AMZ1: variants seen among roughly 807,000 people sequenced by gnomAD.
AMZ1 encodes archaemetzincin-1.
A neutral mutation model predicts 29.9 loss-of-function variants in AMZ1; 39 were observed. The ratio of observed to expected loss-of-function variants is 1.30; its 90% confidence interval spans 1.01 to 1.70. The LOEUF (loss-of-function observed/expected upper bound fraction) is 1.70, where lower values mean the gene tolerates loss of function less well. Ranked by LOEUF, AMZ1 falls within the 40% of genes most tolerant of loss-of-function variation. AMZ1 has a pLI of 0.00. For missense variants in AMZ1, 1,041 were observed against 680.6 expected, an observed-to-expected ratio of 1.53 and a Z score of -5.89; for synonymous variants, 458 against 304.0, an observed-to-expected ratio of 1.51 and a Z score of -5.27.
intron 1 of AMZ1, among the ~76,000 whole-genome samples, chr7:2,695,468 G>A (rs1360508917): frequency 2.6e-5 from 4 of 152,082 alleles, no homozygotes; most frequent in African/African-American, 9.7e-5. Context: ...TATAATCTCA[G>A]CACTTTGGGA....
upstream of AMZ1, among the ~76,000 whole-genome samples, chr7:2,688,020 G>C (rs544572262): frequency 1.7e-4 from 26 of 152,262 alleles, 1 homozygote; most frequent in African/African-American, 6.3e-4. Context: ...CCCCCTGCCC[G>C]GGTGTTTCTG....
Position 2,696,715 on chromosome 7 carries a change from G to A in AMZ1, c.-218-3519G>A, listed in dbSNP as rs541284672. ...AACCTGGCCAACATGGTGAAACCCTGTCTCCACTAAAAATACAAAAATTAG... is the reference window on the plus strand; with the variant it reads ...AACCTGGCCAACATGGTGAAACCCTATCTCCACTAAAAATACAAAAATTAG... On this transcript the variant is annotated intron_variant, in intron 1 of 6. Transcript: ENST00000683327. Among the ~76,000 whole-genome samples the A allele has an allele frequency of 5.7e-4, 87 of 151,906 alleles. 1 individual carries two copies. The highest frequency in any genetic ancestry group is 1.9e-3 in the African/African-American group (80 of 41,480).
chr7:2,712,567 C>G lies in AMZ1; in HGVS notation c.1186C>G (p.Pro396Ala). The change falls in exon 7 of 7, where the codon CCA becomes GCA. Residue 396 changes from proline (P) to alanine (A), a missense_variant. Transcript: ENST00000683327. ...CCTGGCAGCCTCAGAGGCTCCGCTGCCACCTGGGGGCCCTGCGGAGGCCAT... is the reference window on the plus strand; with the variant it reads ...CCTGGCAGCCTCAGAGGCTCCGCTGGCACCTGGGGGCCCTGCGGAGGCCAT... ...SYLAASEAPLPPGGPAEAIKE... is the reference protein window; with the variant it reads ...SYLAASEAPLAPGGPAEAIKE... The G allele has an allele frequency of 6.2e-7, 1 of 1,610,868 alleles. No homozygotes were observed. Among genetic ancestry groups the G allele is most frequent in the South Asian group, 1.1e-5 (1 of 90,822 alleles).
upstream of AMZ1, among the ~76,000 whole-genome samples, chr7:2,761,724 A>G (rs1791564467): frequency 6.6e-6 from 1 of 152,204 alleles, no homozygotes; most frequent in Non-Finnish European, 1.5e-5. Flanking sequence ...TTAAAAAACA[A>G]TGAAGAGTTG....
At chr7:2,697,670 C>T (rs1328153878) in intron 1 of AMZ1, among the ~76,000 whole-genome samples, 2 of 152,174 alleles carry the variant, frequency 1.3e-5, no homozygotes, top group Non-Finnish European at 2.9e-5. Context: ...AGTGATCCAC[C>T]CGCCTCAGCC....
intron 4 of AMZ1, among the ~76,000 whole-genome samples, chr7:2,749,656 T>TATA (rs1007594412): frequency 1.3e-5 from 2 of 151,708 alleles, no homozygotes; most frequent in Non-Finnish European, 2.9e-5. Context: ...GAACTTAAAG[T>TATA]ATAATAATAA....
At position 2,701,228 on chromosome 7, in the gene AMZ1, CA is replaced by C. The variant is rs35630946; in HGVS notation, c.304+484del. Among the ~76,000 whole-genome samples the C allele has an allele frequency of 7.5e-3, 1,074 of 144,030 alleles. 5 individuals carry two copies. The highest frequency in any genetic ancestry group is 0.01 in the Non-Finnish European group (681 of 65,678). The allele number at this position is 144,030 out of a possible 152,430, so 94.5% of individuals were successfully genotyped here. A position where few individuals can be genotyped will look rare whatever the true frequency, so the allele number is the denominator to read the frequency against. On this transcript the variant is annotated intron_variant, in intron 2 of 6. Transcript: ENST00000683327. ...CCTGGGTGACGGAGTGAGACTGTCTCAAAAAAAAAAAGACCACTTTCTCTTT... is the reference window on the plus strand; with the variant it reads ...CCTGGGTGACGGAGTGAGACTGTCTCAAAAAAAAAAGACCACTTTCTCTTT...
rs570288740 is a variant in AMZ1, at chr7:2,712,443, T to A, written c.1062T>A (p.Cys354Ter). 2.3e-5 allele frequency: 37 copies of A among 1,611,806 alleles called. No individual in the cohort carries two copies. The African/African-American group carries it at 4.0e-4, about 17-fold the overall frequency. ...CCAGCGCCGACTCGGGCATGTGCTG[T>A]GAGAGTGACTCGGAGCCCGGCACCA... is the stretch of plus-strand genomic sequence containing the variant. ...PPASADSGMCCESDSEPGTSV... is the reference protein window; with the variant it reads ...PPASADSGMC The change falls in exon 7 of 7, where the codon TGT becomes TGA. Residue 354 changes from cysteine (C) to a stop codon, truncating the protein, a stop_gained. Coordinates refer to ENST00000683327, the MANE Select transcript of AMZ1 (RefSeq NM_001384743.1). LOFTEE classifies it low-confidence loss of function (END_TRUNC).
rs140611616 is a variant in AMZ1, at chr7:2,733,161, G to T, written n.550+23345G>T. Among the ~76,000 whole-genome samples the T allele has an allele frequency of 1.1e-3, 171 of 152,290 alleles. 1 individual carries two copies. The highest frequency in any genetic ancestry group is 4.0e-3 in the African/African-American group (168 of 41,544). ...GGGTTTCATTAGACTATTTGTTTTT[G>T]AGTATGTTTGAATTTTCCATGAGAT... is the stretch of plus-strand genomic sequence containing the variant. On this transcript the variant is annotated intron_variant and non_coding_transcript_variant, in intron 4 of 4. Transcript: ENST00000489665.
chr7:2,763,802 G>A (rs976188870), upstream of AMZ1, among the ~76,000 whole-genome samples: 1 of 152,156 alleles, frequency 6.6e-6, no homozygotes, highest in South Asian at 2.1e-4. Flanking sequence ...AAGCTCCCTG[G>A]GCAGGCGAGG....
chr7:2,763,821 T>C (rs1791688469), upstream of AMZ1, among the ~76,000 whole-genome samples: 1 of 152,166 alleles, frequency 6.6e-6, no homozygotes, highest in South Asian at 2.1e-4. Context: ...GGCCGGGACC[T>C]CTGCACTGAG....
intron 2 of AMZ1, among the ~76,000 whole-genome samples, chr7:2,701,385 C>G (rs1724888): frequency 0.35 from 53,009 of 151,888 alleles, 10,655 homozygotes; most frequent in African/African-American, 0.56. Flanking sequence ...CTATTTGACC[C>G]TGGGGCTGGG....
At position 2,699,317 on chromosome 7, in the gene AMZ1, G is replaced by A. The variant is rs569163299; in HGVS notation, c.-218-917G>A. On this transcript the variant is annotated intron_variant, in intron 1 of 6. Coordinates refer to ENST00000683327, the MANE Select transcript of AMZ1 (RefSeq NM_001384743.1). ...GGTCAGAGCATCTGTTTTGCAGGGCGGCTTTGTCACGGTTCTGCCAGCTCC... is the reference window on the plus strand; with the variant it reads ...GGTCAGAGCATCTGTTTTGCAGGGCAGCTTTGTCACGGTTCTGCCAGCTCC... Among the ~76,000 whole-genome samples, 9 of 152,296 alleles carry A rather than the reference G, an allele frequency of 5.9e-5. No individual in the cohort carries two copies. In the South Asian group the frequency reaches 6.2e-4, roughly 11 times the overall value.
chr7:2,746,080 A>T (rs1790749148), intron 4 of AMZ1, among the ~76,000 whole-genome samples: 1 of 152,184 alleles, frequency 6.6e-6, no homozygotes, highest in African/African-American at 2.4e-5. Flanking sequence ...GGGAGACTTT[A>T]ACACCCCACT....
At chr7:2,683,995 C>T (rs1311543945), upstream of AMZ1, among the ~76,000 whole-genome samples, 2 of 151,816 alleles carry the variant, frequency 1.3e-5, no homozygotes, top group African/African-American at 4.8e-5. Flanking sequence ...CTGGCCAACA[C>T]AGTGAAACCC....
At chr7:2,692,468 G>A (rs1365783478) in intron 1 of AMZ1, among the ~76,000 whole-genome samples, 1 of 152,170 alleles carries the variant, frequency 6.6e-6, no homozygotes, top group Non-Finnish European at 1.5e-5. Flanking sequence ...CTTTAACCCG[G>A]GAAGCGGAGG....
upstream of AMZ1, among the ~76,000 whole-genome samples, chr7:2,684,359 C>T (rs1215426384): frequency 1.3e-5 from 2 of 152,124 alleles, no homozygotes; most frequent in Non-Finnish European, 2.9e-5. Context: ...CAAATAAGGT[C>T]CCATTCTGAT....
chr7:2,679,548 C>G (rs1203624677), exon 1 of AMZ1: 1 of 152,362 alleles, frequency 6.6e-6, no homozygotes, highest in East Asian at 1.9e-4. Flanking sequence ...TGCGGCAGCA[C>G]AGCCGCCTGC....
rs552329401 is a variant in AMZ1, at chr7:2,696,858, C to T, written c.-218-3376C>T. On this transcript the variant is annotated intron_variant, in intron 1 of 6. Transcript: ENST00000683327. ...CAAAGATCGTGCTACTGCACTCCAG[C>T]CTGGGGTAGAGGGAGACTCTGTCTC... Among the ~76,000 whole-genome samples, 11 of 152,062 alleles carry T rather than the reference C, an allele frequency of 7.2e-5. 1 individual carries two copies. The highest frequency in any genetic ancestry group is 2.4e-4 in the African/African-American group (10 of 41,484).
Sources: gnomAD v4.1 joint callset for allele counts (sites outside exome capture counted in the v4.1 genomes callset) on GRCh38, gnomAD v4.1.1 for gene constraint, MANE v1.5 for transcripts, NCBI Gene and HGNC (gene_info 2026-07-23, HGNC 2026-07-21) for gene names.